The following RNGTT variants were observed in gnomAD, a reference collection of about 807,000 sequenced individuals.
RNGTT encodes mRNA-capping enzyme.
In RNGTT, 33 loss-of-function variants were observed where a neutral mutation model predicts 79.3. The observed-to-expected ratio is 0.42, with a 90% CI of 0.32 to 0.56. RNGTT has a LOEUF of 0.56. RNGTT is among the 20% of genes least tolerant of loss of function. The pLI is 0.17. For missense variants in RNGTT, 497 were observed against 739.1 expected (o/e 0.67, Z 3.80); for synonymous variants, 222 against 235.9 (o/e 0.94, Z 0.54).
intron 6 of RNGTT, among the ~76,000 whole-genome samples, chr6:88,900,919 A>G (rs1582108332): frequency 6.6e-6 from 1 of 151,564 alleles, no homozygotes; most frequent in East Asian, 2.0e-4. Flanking sequence ...AGGCAGGTGG[A>G]TCACCTGAGG....
Position 88,914,840 on chromosome 6 carries a change from C to A in RNGTT, c.368-8400G>T, listed in dbSNP as rs563849870. Among the ~76,000 whole-genome samples the A allele has an allele frequency of 1.2e-4, 19 of 152,158 alleles. No individual in the cohort carries two copies. In the East Asian group the frequency reaches 2.5e-3, roughly 20 times the overall value. ...ACTATCAACAGAGTAAACAGACAAC[C>A]TACAGAATGGGAGAAAATATTCACA... On this transcript the variant is annotated intron_variant, in intron 4 of 15. Coordinates refer to ENST00000369485, the MANE Select transcript of RNGTT (RefSeq NM_003800.5).
At chr6:88,939,211 C>T (rs9451107) in intron 2 of RNGTT, among the ~76,000 whole-genome samples, 1 of 152,136 alleles carries the variant, frequency 6.6e-6, no homozygotes, top group South Asian at 2.1e-4. Flanking sequence ...CTTTTGTTCT[C>T]TCTTCATCTT....
chr6:88,636,101 G>C (rs1773090212), intron 14 of RNGTT, among the ~76,000 whole-genome samples: 1 of 152,014 alleles, frequency 6.6e-6, no homozygotes, highest in Non-Finnish European at 1.5e-5. Flanking sequence ...ATATCAGAAA[G>C]AAACCAACTA....
At chr6:88,629,164 T>G in intron 14 of RNGTT, among the ~76,000 whole-genome samples, 1 of 152,042 alleles carries the variant, frequency 6.6e-6, no homozygotes, top group Non-Finnish European at 1.5e-5. Context: ...ACGAAGAAAG[T>G]TCTAAGTGTC....
At chr6:88,919,706 T>TC (rs1173342648) in intron 4 of RNGTT, among the ~76,000 whole-genome samples, 1 of 142,302 alleles carries the variant, frequency 7.0e-6, no homozygotes, top group Non-Finnish European at 1.5e-5. Context: ...GGTCAGTAGT[T>TC]CTTTTTTTTT....
chr6:88,794,422 T>TA (rs760522502), intron 12 of RNGTT, among the ~76,000 whole-genome samples: 7 of 152,144 alleles, frequency 4.6e-5, no homozygotes, highest in Admixed American at 4.6e-4. Context: ...ATTGATAACA[T>TA]AAAAAACTAG....
At chr6:88,627,551 G>T (rs1354642825) in intron 14 of RNGTT, among the ~76,000 whole-genome samples, 1 of 152,006 alleles carries the variant, frequency 6.6e-6, no homozygotes, top group African/African-American at 2.4e-5. Flanking sequence ...CTGTCCTCTG[G>T]ATAGATCTAA....
At chr6:88,637,323 C>T (rs2127771753) in intron 14 of RNGTT, among the ~76,000 whole-genome samples, 1 of 152,140 alleles carries the variant, frequency 6.6e-6, no homozygotes, top group African/African-American at 2.4e-5. Flanking sequence ...TAGCATAAAA[C>T]TATTAATGGC....
At chr6:88,844,211 T>C (rs1279193744) in intron 11 of RNGTT, 146 bp downstream of exon 11, 27 of 644,252 alleles carry the variant, frequency 4.2e-5, no homozygotes, top group Non-Finnish European at 6.4e-5. Context: ...AGTCGTACCA[T>C]GTTTGGCCAA....
chr6:88,628,074 TAC>T (rs2127768106), intron 14 of RNGTT, among the ~76,000 whole-genome samples: 1 of 152,286 alleles, frequency 6.6e-6, no homozygotes, highest in Non-Finnish European at 1.5e-5. Context: ...ATTACGTAAG[TAC>T]AGAGTGATAA....
intron 13 of RNGTT, among the ~76,000 whole-genome samples, chr6:88,726,389 C>CAAAAAAAAAAAAAAAAAAAAAAA (rs61210098): frequency 1.0e-5 from 1 of 99,540 alleles, no homozygotes; most frequent in Non-Finnish European, 1.9e-5. Flanking sequence ...ATCCTAAGTC[C>CAAAAAAAAAAAAAAAAAAAAAAA]AAAAAAAAAA....
chr6:88,619,708 T>C (rs1772373560), intron 14 of RNGTT, among the ~76,000 whole-genome samples: 1 of 152,240 alleles, frequency 6.6e-6, no homozygotes, highest in Non-Finnish European at 1.5e-5. Context: ...TAATTCTACC[T>C]TTTGATAATT....
intron 13 of RNGTT, among the ~76,000 whole-genome samples, chr6:88,759,565 CAT>C (rs1382505106): frequency 2.6e-5 from 4 of 152,070 alleles, no homozygotes; most frequent in Non-Finnish European, 5.9e-5. Flanking sequence ...TACATGTGAA[CAT>C]ATATATTCAA....
chr6:88,671,814 A>G (rs1004415489), intron 14 of RNGTT, among the ~76,000 whole-genome samples: 1 of 152,212 alleles, frequency 6.6e-6, no homozygotes, highest in African/African-American at 2.4e-5. Flanking sequence ...ACTTACTGCC[A>G]ACTGATCTTT....
At chr6:88,705,066 T>C (rs1227093567) in intron 13 of RNGTT, among the ~76,000 whole-genome samples, 1 of 152,138 alleles carries the variant, frequency 6.6e-6, no homozygotes, top group Non-Finnish European at 1.5e-5. Flanking sequence ...TTCTCAACCC[T>C]AACACTAAAT....
intron 8 of RNGTT, among the ~76,000 whole-genome samples, chr6:88,882,353 T>G (rs1289476488): frequency 6.6e-6 from 1 of 152,208 alleles, no homozygotes; most frequent in Non-Finnish European, 1.5e-5. Context: ...AATTTATTAT[T>G]AGTTAAATAG....
At chr6:88,729,083 T>C (rs1256558019) in intron 13 of RNGTT, among the ~76,000 whole-genome samples, 1 of 152,178 alleles carries the variant, frequency 6.6e-6, no homozygotes, top group Non-Finnish European at 1.5e-5. Flanking sequence ...CTCTCTGCTA[T>C]ATGTCAAAGT....
intron 13 of RNGTT, among the ~76,000 whole-genome samples, chr6:88,715,124 A>G (rs1010288182): frequency 1.3e-5 from 2 of 152,210 alleles, no homozygotes; most frequent in African/African-American, 4.8e-5. Context: ...AAGTCTCAGG[A>G]TACAAAATCA....
Position 88,844,521 on chromosome 6 carries a change from A to C in RNGTT, c.1105T>G (p.Ser369Ala). 6.3e-7 allele frequency: 1 copy of C among 1,598,394 alleles called. No homozygotes were observed. The highest frequency in any genetic ancestry group is 8.5e-7 in the Non-Finnish European group (1 of 1,175,582). The change falls in exon 11 of 16, where the codon TCA (serine) becomes GCA (alanine). Residue 369 changes from serine to alanine, a missense_variant and splice_region_variant. Around this residue, in one of 3 missense-constraint regions of RNGTT, gnomAD observed 440 missense variants for 671.5 expected, o/e 0.66. Coordinates refer to ENST00000369485, the MANE Select transcript of RNGTT (RefSeq NM_003800.5). ...AAATCACAATCTCCAACGGGCTGTG[A>C]CTGAATTAAATAAAGAATTAGTTAA... The part of the protein sequence containing the change: ...YLIYDIIKFN[S>A]QPVGDCDFNV...
Sources: allele counts gnomAD v4.1 joint callset (sites outside exome capture counted in the v4.1 genomes callset), GRCh38; gene constraint gnomAD v4.1.1; regional missense constraint gnomAD v4.1.1; transcripts MANE v1.5; gene names NCBI Gene and HGNC (gene_info 2026-07-23, HGNC 2026-07-21).